Variants in NXPH1 observed in about 807,000 individuals in gnomAD.
NXPH1 encodes neurexophilin-1.
NXPH1 carries 5 observed loss-of-function variants against 23.7 expected under a neutral mutation model. That is an observed-to-expected ratio of 0.21 (90% confidence interval 0.11 to 0.44). The LOEUF is 0.44. NXPH1 is among the 20% of genes least tolerant of loss of function. The probability of loss-of-function intolerance (pLI) is 0.99; values close to 1 mark genes in which losing one functional copy is unlikely to be tolerated. For synonymous variants in NXPH1, 144 were observed against 122.2 expected, an observed-to-expected ratio of 1.18 and a Z score of -1.18; for missense variants, 324 against 321.6, an observed-to-expected ratio of 1.01 and a Z score of -0.06.
At chr7:8,598,386 C>T (rs1252730324) in intron 2 of NXPH1, among the ~76,000 whole-genome samples, 1 of 152,142 alleles carries the variant, frequency 6.6e-6, no homozygotes, top group South Asian at 2.1e-4. Flanking sequence ...ATCCAATCTT[C>T]TCTTTGGCTA....
intron 2 of NXPH1, among the ~76,000 whole-genome samples, chr7:8,709,194 T>G (rs1779749668): frequency 6.6e-6 from 1 of 152,262 alleles, no homozygotes; most frequent in Non-Finnish European, 1.5e-5. Flanking sequence ...CTCATTTCCC[T>G]ATCTGCTTTG....
intron 2 of NXPH1, among the ~76,000 whole-genome samples, chr7:8,623,524 C>A (rs746298526): frequency 2.6e-5 from 4 of 151,824 alleles, no homozygotes; most frequent in Non-Finnish European, 4.4e-5. Flanking sequence ...ACAAACACAA[C>A]TTGTAAACTG....
chr7:8,506,635 T>C (rs1025759464), intron 2 of NXPH1, among the ~76,000 whole-genome samples: 1 of 151,842 alleles, frequency 6.6e-6, no homozygotes, highest in African/African-American at 2.4e-5. Context: ...TTGATTTGAG[T>C]GGGAAGACAG....
chr7:8,536,220 A>C (rs1395606992), intron 2 of NXPH1, among the ~76,000 whole-genome samples: 1 of 152,116 alleles, frequency 6.6e-6, no homozygotes, highest in Middle Eastern at 3.4e-3. Context: ...TTTATCTCCT[A>C]GTTGGGGAAT....
chr7:8,476,942 C>T (rs1308276960), intron 2 of NXPH1, among the ~76,000 whole-genome samples: 1 of 152,134 alleles, frequency 6.6e-6, no homozygotes, highest in Non-Finnish European at 1.5e-5. Flanking sequence ...TTTCCTTATA[C>T]TTGCCTTCAA....
intron 2 of NXPH1, among the ~76,000 whole-genome samples, chr7:8,639,069 C>G (rs1011958939): frequency 6.6e-6 from 1 of 152,036 alleles, no homozygotes; most frequent in African/African-American, 2.4e-5. Context: ...GGCAAGCAGT[C>G]GATTACTGGT....
chr7:8,499,707 G>C (rs1338542310), intron 2 of NXPH1, among the ~76,000 whole-genome samples: 1 of 152,062 alleles, frequency 6.6e-6, no homozygotes, highest in African/African-American at 2.4e-5. Flanking sequence ...TAGACTCCCA[G>C]TGGTGAGGCC....
chr7:8,638,191 C>T (rs990507503), intron 2 of NXPH1, among the ~76,000 whole-genome samples: 1 of 152,176 alleles, frequency 6.6e-6, no homozygotes, highest in Non-Finnish European at 1.5e-5. Flanking sequence ...AGCAGAAAGT[C>T]TGGGAGAAGA....
chr7:8,467,335 C>T (rs1816802464), intron 2 of NXPH1, among the ~76,000 whole-genome samples: 1 of 152,096 alleles, frequency 6.6e-6, no homozygotes, highest in Non-Finnish European at 1.5e-5. Context: ...GTGATGAAGC[C>T]TCTTCTGGAA....
At chr7:8,701,750 A>C (rs1779626245) in intron 2 of NXPH1, among the ~76,000 whole-genome samples, 1 of 152,042 alleles carries the variant, frequency 6.6e-6, no homozygotes, top group East Asian at 1.9e-4. Context: ...ATAGTCAGTA[A>C]ATATTTGTTG....
intron 2 of NXPH1, among the ~76,000 whole-genome samples, chr7:8,717,119 T>C (rs967352284): frequency 4.6e-5 from 7 of 152,076 alleles, no homozygotes; most frequent in African/African-American, 1.7e-4. Flanking sequence ...TTGTACCTCT[T>C]TCTTTCCCTA....
chr7:8,733,191 C>G (rs565519753), intron 2 of NXPH1, among the ~76,000 whole-genome samples: 62 of 152,180 alleles, frequency 4.1e-4, no homozygotes, highest in Non-Finnish European at 7.6e-4. Context: ...ATCCATGTCC[C>G]TGCAAAGGAC....
chr7:8,721,458 C>A (rs745409288), intron 2 of NXPH1, among the ~76,000 whole-genome samples: 5 of 152,068 alleles, frequency 3.3e-5, no homozygotes, highest in African/African-American at 4.8e-5. Flanking sequence ...TATTTAAGAA[C>A]CAAGATTACT....
chr7:8,642,686 A>G (rs986576740), intron 2 of NXPH1, among the ~76,000 whole-genome samples: 4 of 152,064 alleles, frequency 2.6e-5, no homozygotes, highest in Admixed American at 6.6e-5. Flanking sequence ...CTTTTTATCT[A>G]TTCGTCCATA....
chr7:8,526,283 G>A (rs1187223529), intron 2 of NXPH1, among the ~76,000 whole-genome samples: 2 of 152,220 alleles, frequency 1.3e-5, no homozygotes, highest in African/African-American at 4.8e-5. Flanking sequence ...ATATGGGGTA[G>A]CTGTATTTAA....
At chr7:8,490,970 G>A (rs1817239624) in intron 2 of NXPH1, among the ~76,000 whole-genome samples, 1 of 152,022 alleles carries the variant, frequency 6.6e-6, no homozygotes, top group Non-Finnish European at 1.5e-5. Context: ...ATGTAAATAG[G>A]TTGACAGACA....
At chr7:8,620,457 T>C (rs763546363) in intron 2 of NXPH1, among the ~76,000 whole-genome samples, 1 of 152,142 alleles carries the variant, frequency 6.6e-6, no homozygotes, top group Non-Finnish European at 1.5e-5. Flanking sequence ...AGGGGAATTA[T>C]GGAATTCACC....
intron 2 of NXPH1, among the ~76,000 whole-genome samples, chr7:8,615,500 G>C (rs950039436): frequency 6.6e-6 from 1 of 152,018 alleles, no homozygotes; most frequent in African/African-American, 2.4e-5. Flanking sequence ...ACTTCCCTCA[G>C]ATGGGAGGGC....
Position 8,528,533 on chromosome 7 carries a change from C to T in NXPH1, c.54+92766C>T, listed in dbSNP as rs182567915. 8.5e-5 allele frequency among the ~76,000 whole-genome samples: 13 copies of T among 152,342 alleles called. No homozygotes were observed. The East Asian group carries it at 2.5e-3, about 29-fold the overall frequency. On this transcript the variant is annotated intron_variant, in intron 2 of 2. Coordinates refer to ENST00000405863, the MANE Select transcript of NXPH1 (RefSeq NM_152745.3). Reference sequence around the variant, plus strand: ...GCATAAACCATATTGAATCGTCTGTCTTGTTTTAAGAGTCTTTATCTGAAA... The same window carrying T: ...GCATAAACCATATTGAATCGTCTGTTTTGTTTTAAGAGTCTTTATCTGAAA...
Sources: allele counts gnomAD v4.1 joint callset (sites outside exome capture counted in the v4.1 genomes callset), GRCh38; gene constraint gnomAD v4.1.1; transcripts MANE v1.5; gene names NCBI Gene and HGNC (gene_info 2026-07-23, HGNC 2026-07-21).